The following YTHDF2 variants were observed in gnomAD, a reference collection of about 807,000 sequenced individuals.
The protein encoded by YTHDF2 is YTH N6-methyladenosine RNA binding protein F2.
YTHDF2 carries 2 observed loss-of-function variants against 50.4 expected under a neutral mutation model. That is an observed-to-expected ratio of 0.04 (90% CI 0.02 to 0.12). The LOEUF (loss-of-function observed/expected upper bound fraction) is 0.12. YTHDF2 is among the 10% of genes least tolerant of loss of function. The probability of loss-of-function intolerance (pLI) is 1.00; values close to 1 mark genes in which losing one functional copy is unlikely to be tolerated. For missense variants in YTHDF2, 483 were observed against 722.6 expected (o/e 0.67, Z 3.80); for synonymous variants, 217 against 255.6 (o/e 0.85, Z 1.44).
At position 28,743,537 on chromosome 1, in the gene YTHDF2, A is replaced by G; in HGVS notation, c.1267A>G (p.Ile423Val). Residue 423 changes from isoleucine to valine, a missense_variant, in exon 4 of 5, where the codon ATT (isoleucine) becomes GTT (valine). Ile to Val is a conservative substitution (Grantham distance 29). This residue lies in a region of YTHDF2 where 59 missense variants were observed against 168.9 expected (regional missense o/e 0.35). Coordinates refer to ENST00000373812, the MANE Select transcript of YTHDF2 (RefSeq NM_016258.3). This position sits in a 1 kb window ranked among gnomAD's most constrained non-coding sequence, Gnocchi z 6.9. The stretch of plus-strand genomic sequence containing the variant: ...CATTAAGAGCTACTCTGAGGACGAT[A>G]TTCACCGTTCCATTAAGTATAATAT... ...FIIKSYSEDD[I>V]HRSIKYNIWC... 2 of 1,614,184 alleles carry G rather than the reference A, an allele frequency of 1.2e-6. No homozygotes were observed. Among genetic ancestry groups the G allele is most frequent in the Non-Finnish European group, 1.7e-6 (2 of 1,180,040 alleles).
At chr1:28,737,802 C>G (rs923912390) in intron 2 of YTHDF2, 120 bp downstream of exon 2, 46 of 1,193,758 alleles carry the variant, frequency 3.9e-5, no homozygotes, top group Non-Finnish European at 4.9e-5. Context: ...TCGCAGGTGC[C>G]GCACACTTAA....
chr1:28,759,418 C>G (rs2088082376), intron 4 of YTHDF2, among the ~76,000 whole-genome samples: 1 of 152,092 alleles, frequency 6.6e-6, no homozygotes, highest in Non-Finnish European at 1.5e-5. Context: ...TCATGCATCC[C>G]TTAGCGATGG....
At chr1:28,747,857 G>A (rs2087888740) in intron 4 of YTHDF2, among the ~76,000 whole-genome samples, 1 of 151,354 alleles carries the variant, frequency 6.6e-6, no homozygotes, top group Admixed American at 6.6e-5. Context: ...CGGGCGCGGT[G>A]GCTCACGCCT....
At chr1:28,758,888 G>A (rs1442299186) in intron 4 of YTHDF2, among the ~76,000 whole-genome samples, 1 of 152,158 alleles carries the variant, frequency 6.6e-6, no homozygotes, top group African/African-American at 2.4e-5. Flanking sequence ...CCAAAAAATG[G>A]TAACTGATTT....
chr1:28,737,452 C>T, intron 1 of YTHDF2: 1 of 689,870 alleles, frequency 1.4e-6, no homozygotes, highest in Non-Finnish European at 2.3e-6. Context: ...TCGCCGGTGG[C>T]GCGTCTGCCG....
At chr1:28,762,991 T>A (rs2088157904) in intron 4 of YTHDF2, among the ~76,000 whole-genome samples, 1 of 151,964 alleles carries the variant, frequency 6.6e-6, no homozygotes, top group African/African-American at 2.4e-5. Flanking sequence ...CACGCTTGGC[T>A]AATTTTTGTA....
chr1:28,767,822 A>G (rs1484750601), intron 4 of YTHDF2, among the ~76,000 whole-genome samples: 5 of 103,422 alleles, frequency 4.8e-5, no homozygotes, highest in African/African-American at 1.9e-4. Context: ...TTGTATTTTT[A>G]GTAGAGACGG....
intron 4 of YTHDF2, among the ~76,000 whole-genome samples, chr1:28,755,977 C>T (rs2088030296): frequency 6.6e-6 from 1 of 152,118 alleles, no homozygotes; most frequent in South Asian, 2.1e-4. Flanking sequence ...TCAGAGGCTG[C>T]AGAGAGGTAA....
At position 28,737,036 on chromosome 1, in the gene YTHDF2, T is replaced by G. The variant is rs1366994465; in HGVS notation, c.-85T>G. On this transcript the variant is annotated 5_prime_UTR_variant, in exon 1 of 5. Transcript: ENST00000373812. ...AGTGTCAGGGACAAAAGCCTCCGCC[T>G]GCTCCCGCAGACGGGGCTCATCTGC... 2.0e-6 allele frequency: 3 copies of G among 1,523,650 alleles called. No homozygotes were observed. Among genetic ancestry groups the G allele is most frequent in the Non-Finnish European group, 2.7e-6 (3 of 1,130,286 alleles). 94.4% of individuals were successfully genotyped at this position (1,523,650 alleles called of 1,614,324 possible).
In YTHDF2 at chr1:28,768,910, T is replaced by G; in HGVS notation, c.1717-19T>G. ...TCAGATAATTTTTAACCATTTCAAT[T>G]TTTTTCTTACCTCTGTAGGAACGTC... is the stretch of plus-strand genomic sequence containing the variant. On this transcript the variant is annotated intron_variant, in intron 4 of 4. Transcript: ENST00000373812. 2 of 1,576,246 alleles carry G rather than the reference T, an allele frequency of 1.3e-6. No homozygotes were observed. Among genetic ancestry groups the G allele is most frequent in the East Asian group, 2.3e-5 (1 of 44,156 alleles).
chr1:28,737,979 T>A (rs1011595077), intron 2 of YTHDF2: 1 of 578,742 alleles, frequency 1.7e-6, no homozygotes, highest in African/African-American at 1.9e-5. Context: ...GATCACTCTC[T>A]GGAAGTACTC....
In YTHDF2 at chr1:28,743,322, G is replaced by T; in HGVS notation, c.1052G>T (p.Trp351Leu). 6.2e-7 allele frequency: 1 copy of T among 1,614,156 alleles called. No individual in the cohort carries two copies. Among genetic ancestry groups the T allele is most frequent in the East Asian group, 2.2e-5 (1 of 44,880 alleles). ...CAACAGGCAGCTCAGCCAACCCGCT[G>T]GGTAGCACCTCGGAACCGTGGCAGT... ...VQQQAAQPTRWVAPRNRGSGF... is the reference protein window; with the variant it reads ...VQQQAAQPTRLVAPRNRGSGF... Residue 351 changes from tryptophan (W) to leucine (L), a missense_variant, in exon 4 of 5, where the codon TGG becomes TTG. Physicochemically the swap from Trp to Leu is moderately conservative, Grantham distance 61 (BLOSUM62 -2). Around this residue, in one of 4 missense-constraint regions of YTHDF2, gnomAD observed 385 missense variants for 475.8 expected, o/e 0.81. Transcript: ENST00000373812. The surrounding 1 kb of genome is among the most constrained non-coding windows in gnomAD (Gnocchi z 6.9).
intron 4 of YTHDF2, among the ~76,000 whole-genome samples, chr1:28,760,207 G>A (rs995978548): frequency 2.0e-4 from 30 of 151,782 alleles, no homozygotes; most frequent in South Asian, 2.1e-4. Flanking sequence ...TTAATAAGTA[G>A]TACATTCTAA....
chr1:28,757,855 CCT>C (rs1475191175), intron 4 of YTHDF2, among the ~76,000 whole-genome samples: 1 of 152,042 alleles, frequency 6.6e-6, no homozygotes, highest in Admixed American at 6.6e-5. Context: ...TTCATTTCAT[CCT>C]CTTTTTCTTA....
intron 4 of YTHDF2, among the ~76,000 whole-genome samples, chr1:28,753,397 A>AAAAAAAAC (rs2087987634): frequency 8.7e-6 from 1 of 114,890 alleles, no homozygotes; most frequent in Non-Finnish European, 1.8e-5. Context: ...AAAAAAAAAA[A>AAAAAAAAC]ATCAGCCAGG....
chr1:28,744,085 G>T, intron 4 of YTHDF2, 99 bp downstream of exon 4: 1 of 1,269,474 alleles, frequency 7.9e-7, no homozygotes, highest in South Asian at 1.8e-5. Context: ...CTCTGTAAAT[G>T]AATACAGTAT....
Position 28,742,447 on chromosome 1 carries a change from C to T in YTHDF2, c.177C>T (p.Tyr59=). The T allele has an allele frequency of 6.2e-7, 1 of 1,606,128 alleles. No individual in the cohort carries two copies. Among genetic ancestry groups the T allele is most frequent in the South Asian group, 1.1e-5 (1 of 89,852 alleles). Residue 59 remains tyrosine, a synonymous_variant, in exon 4 of 5, where the codon TAC becomes TAT. Transcript: ENST00000373812. ...TGTCAGATTCCTACTTACCCAGTTA[C>T]TACAGTCCCTCCATTGGCTTCTCCT... ...TAMSDSYLPS[Y]YSPSIGFSYS...
intron 1 of YTHDF2, chr1:28,737,419 C>G (rs867665897): frequency 1.6e-6 from 1 of 644,528 alleles, no homozygotes; most frequent in African/African-American, 1.9e-5. Context: ...CTTCCCCTTC[C>G]TTAAAGCCCT....
chr1:28,741,967 A>G (rs1009474283), intron 3 of YTHDF2, among the ~76,000 whole-genome samples: 4 of 151,978 alleles, frequency 2.6e-5, no homozygotes, highest in Non-Finnish European at 4.4e-5. Flanking sequence ...ATGTTTAAAC[A>G]TTTCAGTTAT....
Sources: allele counts gnomAD v4.1 joint callset (sites outside exome capture counted in the v4.1 genomes callset), GRCh38; gene constraint gnomAD v4.1.1; regional missense constraint gnomAD v4.1.1; non-coding constraint Gnocchi (gnomAD v3.1); transcripts MANE v1.5; gene names NCBI Gene and HGNC (gene_info 2026-07-23, HGNC 2026-07-21).